The following ADGRL2 variants were observed in gnomAD, a reference collection of about 807,000 sequenced individuals.
ADGRL2 encodes the protein calcium-independent alpha-latrotoxin receptor 2.
ADGRL2 carries 44 observed loss-of-function variants against 157.4 expected under a neutral mutation model. The observed-to-expected ratio is 0.28, with a 90% CI of 0.22 to 0.36. The LOEUF (loss-of-function observed/expected upper bound fraction) is 0.36, where lower values mean the gene tolerates loss of function less well. Ranked by LOEUF, ADGRL2 falls within the 10% of genes least tolerant of loss-of-function variation. The pLI is 1.00. For synonymous variants in ADGRL2, 585 were observed against 624.7 expected, an observed-to-expected ratio of 0.94 and a Z score of 0.95; for missense variants, 1,510 against 1,768.9, an observed-to-expected ratio of 0.85 and a Z score of 2.63.
intron 3 of ADGRL2, among the ~76,000 whole-genome samples, chr1:81,692,015 C>G (rs1199827811): frequency 6.6e-6 from 1 of 151,010 alleles, no homozygotes; most frequent in South Asian, 2.1e-4. Context: ...CTTTCATATA[C>G]AGTATATATG....
chr1:81,461,064 G>A (rs1557705470), intron 2 of ADGRL2, among the ~76,000 whole-genome samples: 1 of 152,088 alleles, frequency 6.6e-6, no homozygotes, highest in East Asian at 1.9e-4. Flanking sequence ...CACTGAACAG[G>A]GTAAGGGAAA....
At chr1:81,966,860 T>G (rs1028515177) in intron 13 of ADGRL2, among the ~76,000 whole-genome samples, 6 of 152,212 alleles carry the variant, frequency 3.9e-5, no homozygotes. Flanking sequence ...GAAAGCTAAT[T>G]CAGTAATCAA....
intron 2 of ADGRL2, among the ~76,000 whole-genome samples, chr1:81,533,961 G>C (rs897918757): frequency 1.3e-5 from 2 of 152,156 alleles, no homozygotes; most frequent in Non-Finnish European, 2.9e-5. Flanking sequence ...GCTACGTTTA[G>C]ATCATGGGGT....
At chr1:81,662,440 G>C (rs2082671144) in intron 3 of ADGRL2, among the ~76,000 whole-genome samples, 1 of 151,852 alleles carries the variant, frequency 6.6e-6, no homozygotes, top group African/African-American at 2.4e-5. Context: ...ATTTTTAGTG[G>C]AGACGGGGTT....
chr1:81,569,460 A>G (rs6672198), intron 2 of ADGRL2, among the ~76,000 whole-genome samples: 4 of 152,198 alleles, frequency 2.6e-5, no homozygotes, highest in African/African-American at 9.7e-5. Context: ...GAATTAAGGG[A>G]TGGCTTAGTT....
intron 21 of ADGRL2, among the ~76,000 whole-genome samples, chr1:81,986,149 G>A (rs372207768): frequency 8.5e-5 from 13 of 152,164 alleles, no homozygotes; most frequent in East Asian, 3.9e-4. Context: ...TAATCAGTAA[G>A]TATTTAAAAG....
intron 1 of ADGRL2, among the ~76,000 whole-genome samples, chr1:81,741,529 G>T (rs993485372): frequency 2.6e-5 from 4 of 151,868 alleles, no homozygotes; most frequent in Non-Finnish European, 4.4e-5. Context: ...GGGATCTCTT[G>T]CACTTAAAAT....
chr1:81,461,930 A>AGTG (rs1491247673), intron 2 of ADGRL2, among the ~76,000 whole-genome samples: 1 of 67,242 alleles, frequency 1.5e-5, no homozygotes, highest in Non-Finnish European at 3.4e-5. Context: ...AAAAGAAGAA[A>AGTG]GGGGGGGGGG....
intron 1 of ADGRL2, among the ~76,000 whole-genome samples, chr1:81,406,692 T>G (rs2076859224): frequency 6.6e-6 from 1 of 152,180 alleles, no homozygotes; most frequent in African/African-American, 2.4e-5. Context: ...ATGACATTGT[T>G]GTCTGAGAGG....
chr1:81,697,094 G>A (rs2083461187), upstream of ADGRL2, among the ~76,000 whole-genome samples: 1 of 152,128 alleles, frequency 6.6e-6, no homozygotes, highest in Admixed American at 6.5e-5. Flanking sequence ...TTAGAATATG[G>A]TTAGGAAGTT....
chr1:81,894,313 T>A (rs919953442), intron 2 of ADGRL2, among the ~76,000 whole-genome samples: 1 of 152,196 alleles, frequency 6.6e-6, no homozygotes, highest in Non-Finnish European at 1.5e-5. Context: ...TGAGGTAGAG[T>A]TCACAGAGTG....
intron 1 of ADGRL2, among the ~76,000 whole-genome samples, chr1:81,362,091 T>C (rs1447157646): frequency 2.0e-5 from 3 of 151,932 alleles, no homozygotes; most frequent in African/African-American, 7.2e-5. Context: ...TGCTAAATAT[T>C]AGATAGCATT....
chr1:81,542,344 G>A (rs1482779009), intron 2 of ADGRL2, among the ~76,000 whole-genome samples: 1 of 152,158 alleles, frequency 6.6e-6, no homozygotes, highest in African/African-American at 2.4e-5. Context: ...TGCAGGAGTA[G>A]GGAATGGTAA....
chr1:81,570,856 G>A (rs1217549508), intron 2 of ADGRL2, among the ~76,000 whole-genome samples: 1 of 152,016 alleles, frequency 6.6e-6, no homozygotes, highest in Non-Finnish European at 1.5e-5. Context: ...CACTGTGTAG[G>A]CAAGACATTC....
At chr1:81,504,534 G>A (rs1570310703) in intron 2 of ADGRL2, among the ~76,000 whole-genome samples, 1 of 152,066 alleles carries the variant, frequency 6.6e-6, no homozygotes, top group East Asian at 1.9e-4. Context: ...CCAAAGAAAT[G>A]AAAACAGATC....
chr1:81,852,081 C>A (rs1381900103), intron 2 of ADGRL2, among the ~76,000 whole-genome samples: 4 of 151,966 alleles, frequency 2.6e-5, no homozygotes, highest in African/African-American at 9.7e-5. Context: ...TTGACATATT[C>A]AGCATGGATT....
intron 2 of ADGRL2, among the ~76,000 whole-genome samples, chr1:81,905,405 A>T (rs369158318): frequency 1.6e-4 from 25 of 152,062 alleles, no homozygotes; most frequent in African/African-American, 6.0e-4. Context: ...ACCTTACTGT[A>T]CTTTTCTGGA....
Position 81,879,282 on chromosome 1 carries a change from G to GT in ADGRL2, c.74-27735_74-27734insT, listed in dbSNP as rs2093922823. On this transcript the variant is annotated intron_variant, in intron 2 of 23. Transcript: ENST00000686636. ...ACAGAGTAATTAGCGAGCAAGCTCA[G>GT]GAAAAAAAAAATCTCAGAATACTTA... 3.4e-5 allele frequency among the ~76,000 whole-genome samples: 5 copies of GT among 147,306 alleles called. No individual in the cohort carries two copies. In the South Asian group the frequency reaches 1.1e-3, roughly 32 times the overall value.
At chr1:81,822,485 G>T (rs1384833299) in intron 1 of ADGRL2, among the ~76,000 whole-genome samples, 1 of 150,576 alleles carries the variant, frequency 6.6e-6, no homozygotes, top group African/African-American at 2.4e-5. Context: ...ATAATCCCTG[G>T]GTTTTATTTT....
Sources: allele counts gnomAD v4.1 joint callset (sites outside exome capture counted in the v4.1 genomes callset), GRCh38; gene constraint gnomAD v4.1.1; transcripts MANE v1.5; gene names NCBI Gene and HGNC (gene_info 2026-07-23, HGNC 2026-07-21).